DYNLL2: variants seen among roughly 807,000 people sequenced by gnomAD.
DYNLL2 encodes dynein light chain 2, cytoplasmic.
In DYNLL2, 1 loss-of-function variant was observed where a neutral mutation model predicts 9.7. The ratio of observed to expected loss-of-function variants is 0.10; its 90% CI spans 0.04 to 0.49. DYNLL2 has a LOEUF of 0.49. Ranked by LOEUF, DYNLL2 falls within the 20% of genes least tolerant of loss-of-function variation. The pLI is 0.95. For synonymous variants in DYNLL2, 35 were observed against 40.5 expected (o/e 0.86, Z 0.52); for missense variants, 37 against 115.2 (o/e 0.32, Z 3.11).
rs2075777562 is a variant in DYNLL2 at position 58,090,820 on chromosome 17, G to A, written c.*1541G>A. 6.6e-6 allele frequency: 1 copy of A among 151,114 alleles called. No individual in the cohort carries two copies. The highest frequency in any genetic ancestry group is 2.4e-5 in the African/African-American group (1 of 40,920). The allele number at this position is 151,114 out of a possible 1,614,324, so 9.4% of individuals were successfully genotyped here. ...CATGAGTCGCCTTCAAAACTCTCGT[G>A]TAGGGTTGACAATGTGGGGGGGTGG... On this transcript the variant is annotated 3_prime_UTR_variant, in exon 3 of 3. Transcript: ENST00000579991.
At position 58,091,729 on chromosome 17, in the gene DYNLL2, G is replaced by C. The variant is rs1448344461; in HGVS notation, c.*2450G>C. ...TAAGTGATTCTCTGAATCCTCTGTT[G>C]CCCAGACACACAACTCGAGAAATCA... On this transcript the variant is annotated 3_prime_UTR_variant, in exon 3 of 3. Transcript: ENST00000579991. 2.0e-5 allele frequency: 3 copies of C among 152,170 alleles called. No individual in the cohort carries two copies. The highest frequency in any genetic ancestry group is 7.2e-5 in the African/African-American group (3 of 41,432). The allele number at this position is 152,170 out of a possible 1,614,324, so 9.4% of individuals were successfully genotyped here.
rs1252680637 is a variant in DYNLL2 at position 58,083,442 on chromosome 17, T to G, written c.-251T>G. On this transcript the variant is annotated 5_prime_UTR_variant, in exon 1 of 3. Coordinates refer to ENST00000579991, the MANE Select transcript of DYNLL2 (RefSeq NM_080677.3). ...TCAGCGGCAGAGCGGAGCGGAGCTGTGAGGCGCCAGTGCGGAGCGGGCGGG... is the reference window on the plus strand; with the variant it reads ...TCAGCGGCAGAGCGGAGCGGAGCTGGGAGGCGCCAGTGCGGAGCGGGCGGG... 1.0e-5 allele frequency: 1 copy of G among 95,448 alleles called. No homozygotes were observed. Among genetic ancestry groups the G allele is most frequent in the Non-Finnish European group, 2.1e-5 (1 of 48,502 alleles). 5.9% of individuals were successfully genotyped at this position (95,448 alleles called of 1,614,324 possible).
At chr17:58,087,662 C>T (rs1415044816) in intron 2 of DYNLL2, among the ~76,000 whole-genome samples, 2 of 152,158 alleles carry the variant, frequency 1.3e-5, no homozygotes, top group African/African-American at 4.8e-5. Context: ...TAGGAGGTTT[C>T]CTTTTCTTTT....
At chr17:58,087,883 C>T (rs1281596873) in intron 2 of DYNLL2, among the ~76,000 whole-genome samples, 6 of 152,060 alleles carry the variant, frequency 3.9e-5, no homozygotes, top group African/African-American at 1.5e-4. Context: ...GGTACTGGGA[C>T]CCCCTGATTC....
intron 1 of DYNLL2, among the ~76,000 whole-genome samples, chr17:58,084,873 G>A (rs2075753194): frequency 6.6e-6 from 1 of 151,480 alleles, no homozygotes; most frequent in Admixed American, 6.6e-5. Flanking sequence ...CCTGGAATAG[G>A]CCACCAGGTG....
chr17:58,094,352 TACTG>T lies in DYNLL2; in HGVS notation c.*5075_*5078del, dbSNP rs2075790533. 6.6e-6 allele frequency: 1 copy of T among 152,070 alleles called. No homozygotes were observed. Among genetic ancestry groups the T allele is most frequent in the African/African-American group, 2.4e-5 (1 of 41,392 alleles). The allele number at this position is 152,070 out of a possible 1,614,324, so 9.4% of individuals were successfully genotyped here. A position where few individuals can be genotyped will look rare whatever the true frequency, so the allele number is the denominator to read the frequency against. ...AAATGGGTGATGATGATGATGATGA[TACTG>T]ATTATTAGGGTATCTAATAAAGTTG... On this transcript the variant is annotated 3_prime_UTR_variant, in exon 3 of 3. Transcript: ENST00000579991.
chr17:58,089,319 G>A lies in DYNLL2; in HGVS notation c.*40G>A, dbSNP rs751151868. On this transcript the variant is annotated 3_prime_UTR_variant, in exon 3 of 3. Transcript: ENST00000579991. Reference sequence around the variant, plus strand: ...GGTGTCAGTGGCGGCGGCAGCGATGGCAAGCAGGCGGCGTTGCTGGGACTG... The same window carrying A: ...GGTGTCAGTGGCGGCGGCAGCGATGACAAGCAGGCGGCGTTGCTGGGACTG... 3.4e-5 allele frequency: 54 copies of A among 1,605,412 alleles called. No individual in the cohort carries two copies. In the Admixed American group the frequency reaches 9.1e-4, roughly 27 times the overall value.
In DYNLL2 at chr17:58,089,309, G is replaced by A. The variant is rs2075771591; in HGVS notation, c.*30G>A. 4 of 1,606,534 alleles carry A rather than the reference G, an allele frequency of 2.5e-6. No homozygotes were observed. The highest frequency in any genetic ancestry group is 1.3e-5 in the African/African-American group (1 of 74,544). On this transcript the variant is annotated 3_prime_UTR_variant, in exon 3 of 3. Coordinates refer to ENST00000579991, the MANE Select transcript of DYNLL2 (RefSeq NM_080677.3). Reference sequence around the variant, plus strand: ...CCATGGTGAAGGTGTCAGTGGCGGCGGCAGCGATGGCAAGCAGGCGGCGTT... The same window carrying A: ...CCATGGTGAAGGTGTCAGTGGCGGCAGCAGCGATGGCAAGCAGGCGGCGTT...
intron 1 of DYNLL2, among the ~76,000 whole-genome samples, chr17:58,086,803 C>T (rs982758665): frequency 6.6e-6 from 1 of 152,172 alleles, no homozygotes; most frequent in African/African-American, 2.4e-5. Context: ...TATTGGTGCT[C>T]TTCAGAATAT....
rs1281572776 is a variant in DYNLL2, at chr17:58,090,184, C to A, written c.*905C>A. On this transcript the variant is annotated 3_prime_UTR_variant, in exon 3 of 3. Transcript: ENST00000579991. Reference sequence around the variant, plus strand: ...AGTTCCTTAGTTAGGTCTTAGCAATCAAACCAAATTGATGTCTCCCTTGAC... The same window carrying A: ...AGTTCCTTAGTTAGGTCTTAGCAATAAAACCAAATTGATGTCTCCCTTGAC... 8.8e-6 allele frequency: 3 copies of A among 341,300 alleles called. No homozygotes were observed. The highest frequency in any genetic ancestry group is 6.3e-5 in the African/African-American group (3 of 47,272). 21.1% of individuals were successfully genotyped at this position (341,300 alleles called of 1,614,324 possible). A position where few individuals can be genotyped will look rare whatever the true frequency, so the allele number is the denominator to read the frequency against.
chr17:58,089,779 GGATT>G lies in DYNLL2; in HGVS notation c.*504_*507del, dbSNP rs1244116507. The G allele has an allele frequency of 1.5e-5, 6 of 400,908 alleles. No individual in the cohort carries two copies. The highest frequency in any genetic ancestry group is 2.6e-5 in the Non-Finnish European group (6 of 227,978). 24.8% of individuals were successfully genotyped at this position (400,908 alleles called of 1,614,324 possible). On this transcript the variant is annotated 3_prime_UTR_variant, in exon 3 of 3. Transcript: ENST00000579991. ...AAAAGGGGTAGGAAGGAAGGTGGAG[GGATT>G]GATCTAGTACCAGGGAGAATATTCC...
At chr17:58,087,025 A>G (rs1161786885) in intron 1 of DYNLL2, 57 bp from the exon 2 acceptor site, 16 of 1,594,214 alleles carry the variant, frequency 1.0e-5, no homozygotes, top group Admixed American at 1.7e-5. Flanking sequence ...CCCAGCAGCT[A>G]ATGTTCACTG....
rs1261537933 is a variant in DYNLL2, at chr17:58,092,059, T to C, written c.*2780T>C. Reference sequence around the variant, plus strand: ...GTTATCAAGGAAATGAACTGGGCAATGAGCTATTGAGTGTTGGAGGTAGGT... The same window carrying C: ...GTTATCAAGGAAATGAACTGGGCAACGAGCTATTGAGTGTTGGAGGTAGGT... On this transcript the variant is annotated 3_prime_UTR_variant, in exon 3 of 3. Transcript: ENST00000579991. The C allele has an allele frequency of 6.6e-6, 1 of 152,120 alleles. No homozygotes were observed. The highest frequency in any genetic ancestry group is 2.4e-5 in the African/African-American group (1 of 41,428). The allele number at this position is 152,120 out of a possible 1,614,324, so 9.4% of individuals were successfully genotyped here. A position where few individuals can be genotyped will look rare whatever the true frequency, so the allele number is the denominator to read the frequency against.
At chr17:58,087,260 G>A (rs1408603099) in intron 2 of DYNLL2, 38 bp downstream of exon 2, 23 of 1,609,964 alleles carry the variant, frequency 1.4e-5, no homozygotes, top group Non-Finnish European at 2.0e-5. Flanking sequence ...CCAGGGGTGG[G>A]GATCGACAGC....
rs1272723798 is a variant in DYNLL2, at chr17:58,093,792, C to T, written c.*4513C>T. The T allele has an allele frequency of 6.6e-6, 1 of 152,234 alleles. No homozygotes were observed. Among genetic ancestry groups the T allele is most frequent in the Non-Finnish European group, 1.5e-5 (1 of 68,080 alleles). 9.4% of individuals were successfully genotyped at this position (152,234 alleles called of 1,614,324 possible). ...GAAAGGAGAGCAGACGCCTAGAGTTCTGACCTCTTGGGCCTCCCCTAAACA... is the reference window on the plus strand; with the variant it reads ...GAAAGGAGAGCAGACGCCTAGAGTTTTGACCTCTTGGGCCTCCCCTAAACA... On this transcript the variant is annotated 3_prime_UTR_variant, in exon 3 of 3. Coordinates refer to ENST00000579991, the MANE Select transcript of DYNLL2 (RefSeq NM_080677.3).
intron 1 of DYNLL2, among the ~76,000 whole-genome samples, chr17:58,084,910 A>G (rs1185997793): frequency 1.3e-5 from 2 of 151,804 alleles, no homozygotes; most frequent in Non-Finnish European, 2.9e-5. Flanking sequence ...ACTTATACAG[A>G]GCCTTATAAT....
intron 1 of DYNLL2, among the ~76,000 whole-genome samples, chr17:58,086,202 T>C (rs1055809815): frequency 6.6e-6 from 1 of 152,164 alleles, no homozygotes; most frequent in African/African-American, 2.4e-5. Flanking sequence ...TCTGCCCCAC[T>C]GGACATTGGT....
rs752086472 is a variant in DYNLL2, at chr17:58,087,110, T to C, written c.20T>C (p.Val7Ala). The C allele has an allele frequency of 5.6e-6, 9 of 1,614,078 alleles. No homozygotes were observed. The highest frequency in any genetic ancestry group is 4.0e-5 in the African/African-American group (3 of 74,934). ...CACACCATGTCTGACCGGAAGGCAG[T>C]GATCAAGAACGCAGACATGTCTGAG... MSDRKAVIKNADMSEDM... is the reference protein window; with the variant it reads MSDRKAAIKNADMSEDM... The change falls in exon 2 of 3, where the codon GTG becomes GCG. Residue 7 changes from valine to alanine, a missense_variant. Val to Ala is a moderately conservative substitution (Grantham distance 64, BLOSUM62 0). Transcript: ENST00000579991.
chr17:58,089,929 T>C lies in DYNLL2; in HGVS notation c.*650T>C, dbSNP rs933171326. ...GGGAGCAGATTTGTCTTGCTGTCTTTGTCAGAATTTCTAAGTAAGGGCTGT... is the reference window on the plus strand; with the variant it reads ...GGGAGCAGATTTGTCTTGCTGTCTTCGTCAGAATTTCTAAGTAAGGGCTGT... On this transcript the variant is annotated 3_prime_UTR_variant, in exon 3 of 3. Coordinates refer to ENST00000579991, the MANE Select transcript of DYNLL2 (RefSeq NM_080677.3). 66 of 398,756 alleles carry C rather than the reference T, an allele frequency of 1.7e-4. No individual in the cohort carries two copies. In the East Asian group the frequency reaches 2.4e-3, roughly 14 times the overall value. 24.7% of individuals were successfully genotyped at this position (398,756 alleles called of 1,614,324 possible).
Sources: gnomAD v4.1 joint callset for allele counts (sites outside exome capture counted in the v4.1 genomes callset) on GRCh38, gnomAD v4.1.1 for gene constraint, MANE v1.5 for transcripts, NCBI Gene and HGNC (gene_info 2026-07-23, HGNC 2026-07-21) for gene names.